Variants in NFKB1 observed in about 807,000 individuals in gnomAD.
NFKB1 encodes the protein nuclear factor kappa B subunit 1.
In NFKB1, 9 loss-of-function variants were observed where a neutral mutation model predicts 105.1. The observed-to-expected ratio is 0.09, with a 90% CI of 0.05 to 0.15. The LOEUF is 0.15. Ranked by LOEUF, NFKB1 falls within the 10% of genes least tolerant of loss-of-function variation. The pLI, the probability that NFKB1 is intolerant of heterozygous loss-of-function variation, is 1.00. For missense variants in NFKB1, 830 were observed against 1,203.7 expected (o/e 0.69, Z 4.59); for synonymous variants, 440 against 442.2 (o/e 1.00, Z 0.06).
At chr4:102,542,001 T>C (rs1742027016) in intron 5 of NFKB1, among the ~76,000 whole-genome samples, 1 of 152,106 alleles carries the variant, frequency 6.6e-6, no homozygotes, top group Admixed American at 6.6e-5. Flanking sequence ...CTTGAAAGAT[T>C]TGGGGCCTGG....
At chr4:102,518,470 A>G (rs1238804133) in intron 1 of NFKB1, among the ~76,000 whole-genome samples, 1 of 152,002 alleles carries the variant, frequency 6.6e-6, no homozygotes, top group Non-Finnish European at 1.5e-5. Context: ...AATTACCAAG[A>G]TAATTAACCC....
At chr4:102,525,373 C>G in intron 1 of NFKB1, 139 bp from the exon 2 acceptor site, 1 of 688,358 alleles carries the variant, frequency 1.5e-6, no homozygotes, top group Non-Finnish European at 2.4e-6. Flanking sequence ...TCATGTCCTC[C>G]TCCTATGGTC....
chr4:102,607,770 G>A lies in NFKB1; in HGVS notation c.2227+19G>A, dbSNP rs544986936. 28 of 1,608,326 alleles carry A rather than the reference G, an allele frequency of 1.7e-5. No homozygotes were observed. Among genetic ancestry groups the A allele is most frequent in the African/African-American group, 5.3e-5 (4 of 74,886 alleles). On this transcript the variant is annotated intron_variant, in intron 19 of 23. Transcript: ENST00000226574. ...GCAGCAGGTAAGATGGTGATCTGGC[G>A]GTCATTAATGAAAAATGTTACCAGG... is the stretch of plus-strand genomic sequence containing the variant.
chr4:102,605,796 G>T (rs1422124494), intron 16 of NFKB1, among the ~76,000 whole-genome samples: 1 of 152,162 alleles, frequency 6.6e-6, no homozygotes, highest in Non-Finnish European at 1.5e-5. Flanking sequence ...TTTATGAAAT[G>T]GGTGTAGGAA....
rs1727957764 is a variant in NFKB1, at chr4:102,607,841, G to C, written c.2227+90G>C. 4 of 1,087,166 alleles carry C rather than the reference G, an allele frequency of 3.7e-6. No homozygotes were observed. In the Admixed American group the frequency reaches 5.1e-5, roughly 14 times the overall value. The allele number at this position is 1,087,166 out of a possible 1,614,324, so 67.3% of individuals were successfully genotyped here. ...AGAGCAGTCATGTTGCCTTCTTTAA[G>C]CCACAGACCTACTGCTGAAAAACAA... On this transcript the variant is annotated intron_variant, in intron 19 of 23. Coordinates refer to ENST00000226574, the MANE Select transcript of NFKB1 (RefSeq NM_003998.4).
intron 5 of NFKB1, among the ~76,000 whole-genome samples, chr4:102,545,923 G>A (rs752073115): frequency 3.9e-5 from 6 of 152,104 alleles, no homozygotes; most frequent in East Asian, 3.9e-4. Context: ...AAGAGGATAC[G>A]GCACAACGTG....
chr4:102,543,852 C>A (rs1467459453), intron 5 of NFKB1, among the ~76,000 whole-genome samples: 3 of 152,060 alleles, frequency 2.0e-5, no homozygotes, highest in Non-Finnish European at 2.9e-5. Flanking sequence ...AGAAAATCAC[C>A]AATAATCAGC....
intron 1 of NFKB1, among the ~76,000 whole-genome samples, chr4:102,519,257 A>T (rs544255242): frequency 1.3e-5 from 2 of 148,378 alleles, no homozygotes; most frequent in Admixed American, 6.8e-5. Flanking sequence ...AGTTTAATAT[A>T]TAAGTATATA....
At chr4:102,549,624 C>T (rs1722419299) in intron 5 of NFKB1, among the ~76,000 whole-genome samples, 1 of 152,068 alleles carries the variant, frequency 6.6e-6, no homozygotes, top group Non-Finnish European at 1.5e-5. Flanking sequence ...TCTCCAGGCT[C>T]AGCCACTTGT....
intron 1 of NFKB1, among the ~76,000 whole-genome samples, chr4:102,502,384 G>C (rs1452838650): frequency 9.8e-6 from 1 of 102,452 alleles, no homozygotes; most frequent in African/African-American, 6.3e-5. Context: ...GTGCGCGCGC[G>C]CGCGCGCACA....
intron 16 of NFKB1, among the ~76,000 whole-genome samples, chr4:102,602,831 C>G (rs1727311455): frequency 6.6e-6 from 1 of 152,128 alleles, no homozygotes. Flanking sequence ...CTTCTTGAAA[C>G]TTTCATACCG....
At chr4:102,521,290 T>G (rs1740558153) in intron 1 of NFKB1, among the ~76,000 whole-genome samples, 1 of 152,218 alleles carries the variant, frequency 6.6e-6, no homozygotes, top group African/African-American at 2.4e-5. Flanking sequence ...AGAAAATTCC[T>G]CTGTGGAAGA....
chr4:102,580,373 G>A (rs1459512695), intron 8 of NFKB1, among the ~76,000 whole-genome samples, 162 bp from the exon 9 acceptor site: 1 of 152,140 alleles, frequency 6.6e-6, no homozygotes, highest in Non-Finnish European at 1.5e-5. Flanking sequence ...GAAGTGTTCC[G>A]AGAATTTCAG....
chr4:102,603,937 A>G (rs1042412952), intron 16 of NFKB1, among the ~76,000 whole-genome samples: 2 of 152,150 alleles, frequency 1.3e-5, no homozygotes, highest in African/African-American at 4.8e-5. Context: ...TTCCCCCAAC[A>G]TAGACAACCA....
In NFKB1 at chr4:102,584,732, A is replaced by G. The variant is rs201065307; in HGVS notation, c.978A>G (p.Lys326=). 6.2e-7 allele frequency: 1 copy of G among 1,611,992 alleles called. No individual in the cohort carries two copies. Among genetic ancestry groups the G allele is most frequent in the Non-Finnish European group, 8.5e-7 (1 of 1,179,136 alleles). The change falls in exon 11 of 24, where the codon AAA becomes AAG. Residue 326 remains lysine (K), a synonymous_variant. Transcript: ENST00000226574. The stretch of plus-strand genomic sequence containing the variant: ...AGTATAAAGATATTAATATTACAAA[A>G]CCAGCCTCTGTGTTTGTCCAGCTTC... ...TPKYKDINIT[K]PASVFVQLRR...
intron 16 of NFKB1, among the ~76,000 whole-genome samples, chr4:102,604,083 A>G (rs1442788868): frequency 6.6e-6 from 1 of 152,158 alleles, no homozygotes; most frequent in East Asian, 1.9e-4. Flanking sequence ...GGTACAGAAG[A>G]ATCTACATTG....
intron 16 of NFKB1, among the ~76,000 whole-genome samples, chr4:102,602,229 A>G (rs1328863003): frequency 6.6e-6 from 1 of 151,980 alleles, no homozygotes; most frequent in African/African-American, 2.4e-5. Context: ...TTTTATTTCC[A>G]TTCTTTAAAA....
intron 5 of NFKB1, among the ~76,000 whole-genome samples, chr4:102,541,728 A>AC (rs1742010903): frequency 6.6e-6 from 1 of 152,138 alleles, no homozygotes. Context: ...GAGCATTTAC[A>AC]TTTACAGGAA....
intron 4 of NFKB1, chr4:102,537,629 G>A (rs543156041): frequency 7.9e-6 from 3 of 378,460 alleles, no homozygotes; most frequent in Non-Finnish European, 1.5e-5. Flanking sequence ...ATGGGCTTAG[G>A]TACCTGGCTT....
Sources: gnomAD v4.1 joint callset for allele counts (sites outside exome capture counted in the v4.1 genomes callset) on GRCh38, gnomAD v4.1.1 for gene constraint, MANE v1.5 for transcripts, NCBI Gene and HGNC (gene_info 2026-07-23, HGNC 2026-07-21) for gene names.